BBS12: variants seen among roughly 807,000 people sequenced by gnomAD.
BBS12 encodes the protein chaperonin-containing T-complex member BBS12.
Under a neutral mutation model 5.6 loss-of-function variants are expected in BBS12, and 5 were observed. That is an observed-to-expected ratio of 0.89 (90% CI 0.46 to 1.86). BBS12 has a LOEUF of 1.86. Among genes scored for constraint, BBS12 ranks in the 40% most tolerant of loss-of-function variants. BBS12 has a pLI of 0.01. For missense variants in BBS12, 748 were observed against 830.4 expected, an observed-to-expected ratio of 0.90 and a Z score of 1.22; for synonymous variants, 308 against 306.8, an observed-to-expected ratio of 1.00 and a Z score of -0.04.
chr4:122,718,588 T>A, the BBS12 span, among the ~76,000 whole-genome samples: 2 of 152,032 alleles, frequency 1.3e-5, no homozygotes, highest in African/African-American at 4.8e-5. Context: ...TCCAAATTCA[T>A]AAAATAGGGG....
chr4:122,706,015 C>T, the BBS12 span, among the ~76,000 whole-genome samples: 1 of 152,170 alleles, frequency 6.6e-6, no homozygotes, highest in Non-Finnish European at 1.5e-5. Flanking sequence ...TTGCCCTTTT[C>T]AGAGGAAGAG....
chr4:122,706,479 C>T, the BBS12 span, among the ~76,000 whole-genome samples: 3 of 152,090 alleles, frequency 2.0e-5, no homozygotes, highest in African/African-American at 7.2e-5. Flanking sequence ...ATTTAGAATT[C>T]CTAAGACTCT....
At chr4:122,703,367 A>C in the BBS12 span, among the ~76,000 whole-genome samples, 1 of 152,098 alleles carries the variant, frequency 6.6e-6, no homozygotes, top group Non-Finnish European at 1.5e-5. Flanking sequence ...TATCGCCAGC[A>C]CTTCATGGCC....
At chr4:122,708,506 C>A in the BBS12 span, among the ~76,000 whole-genome samples, 36,722 of 151,908 alleles carry the variant, frequency 0.24, 4,688 homozygotes, top group South Asian at 0.39. Context: ...TAGCACTGCT[C>A]AACTTTCACC....
intron 1 of BBS12, 140 bp from the exon 2 acceptor site, chr4:122,741,743 C>A: frequency 1.5e-6 from 1 of 671,564 alleles, no homozygotes; most frequent in Non-Finnish European, 2.6e-6. Context: ...AATAATAATA[C>A]TGTATCATTG....
the BBS12 span, among the ~76,000 whole-genome samples, chr4:122,716,717 G>GTGTA: frequency 9.3e-5 from 11 of 118,434 alleles, no homozygotes; most frequent in African/African-American, 4.4e-4. Flanking sequence ...ATACACATAT[G>GTGTA]TGTGTATATA....
intron 1 of BBS12, among the ~76,000 whole-genome samples, chr4:122,739,391 A>G (rs1159771211): frequency 2.0e-5 from 3 of 152,210 alleles, no homozygotes; most frequent in African/African-American, 4.8e-5. Flanking sequence ...CCTCCTTTTC[A>G]TGCCTGTGGC....
At chr4:122,723,620 AT>A in the BBS12 span, among the ~76,000 whole-genome samples, 1 of 152,150 alleles carries the variant, frequency 6.6e-6, no homozygotes, top group Middle Eastern at 3.2e-3. Context: ...CAAACCATAA[AT>A]TTTCCCCACT....
chr4:122,738,597 G>C (rs897167806), intron 1 of BBS12, among the ~76,000 whole-genome samples: 6 of 152,124 alleles, frequency 3.9e-5, no homozygotes, highest in Non-Finnish European at 5.9e-5. Flanking sequence ...GAGAGAAAAT[G>C]TTTGCAAATC....
chr4:122,734,837 T>C (rs779925244), intron 1 of BBS12, among the ~76,000 whole-genome samples: 5 of 152,212 alleles, frequency 3.3e-5, no homozygotes, highest in Non-Finnish European at 7.3e-5. Context: ...ATGTAATTAG[T>C]TTTGAAAACT....
At chr4:122,735,590 A>G (rs1384957025) in intron 1 of BBS12, among the ~76,000 whole-genome samples, 1 of 152,212 alleles carries the variant, frequency 6.6e-6, no homozygotes, top group African/African-American at 2.4e-5. Flanking sequence ...ACTTATATTC[A>G]TGTTGGAGAA....
the BBS12 span, among the ~76,000 whole-genome samples, chr4:122,721,555 G>A: frequency 1.2e-4 from 19 of 152,294 alleles, no homozygotes; most frequent in East Asian, 3.7e-3. Context: ...GGTTTAGTGG[G>A]AGCAGATTGT....
upstream of BBS12, among the ~76,000 whole-genome samples, chr4:122,728,094 A>C (rs1800647630): frequency 6.6e-6 from 1 of 152,210 alleles, no homozygotes; most frequent in African/African-American, 2.4e-5. Flanking sequence ...TCTTTTTAGA[A>C]GGCAATATCT....
At chr4:122,733,475 T>A (rs1443986749) in intron 1 of BBS12, among the ~76,000 whole-genome samples, 2 of 150,434 alleles carry the variant, frequency 1.3e-5, no homozygotes, top group Non-Finnish European at 2.9e-5. Context: ...TTGTCAACGA[T>A]ATCAACTTGA....
chr4:122,737,134 C>T (rs897503845), intron 1 of BBS12, among the ~76,000 whole-genome samples: 1 of 152,118 alleles, frequency 6.6e-6, no homozygotes, highest in African/African-American at 2.4e-5. Flanking sequence ...GACTTTTCTA[C>T]TCGTAGTAAT....
At chr4:122,730,838 A>C (rs1306657410), upstream of BBS12, 1 of 152,174 alleles carries the variant, frequency 6.6e-6, no homozygotes, top group African/African-American at 2.4e-5. Context: ...CATCATGTTA[A>C]ATTTTCCCCT....
the BBS12 span, among the ~76,000 whole-genome samples, chr4:122,703,680 T>C: frequency 2.5e-4 from 38 of 152,286 alleles, no homozygotes; most frequent in Non-Finnish European, 4.7e-4. Context: ...TTAACCTGAC[T>C]TAATAGGAAA....
chr4:122,710,440 C>T, the BBS12 span, among the ~76,000 whole-genome samples: 1 of 152,314 alleles, frequency 6.6e-6, no homozygotes, highest in East Asian at 1.9e-4. Flanking sequence ...CATAGCACAA[C>T]TGGGGCAGTA....
the BBS12 span, among the ~76,000 whole-genome samples, chr4:122,703,346 A>C: frequency 1.3e-5 from 2 of 152,112 alleles, no homozygotes; most frequent in South Asian, 2.1e-4. Flanking sequence ...TTAGGTAGGG[A>C]GCCAGAGGTA....
Sources: allele counts gnomAD v4.1 joint callset (sites outside exome capture counted in the v4.1 genomes callset), GRCh38; gene constraint gnomAD v4.1.1; transcripts MANE v1.5; gene names NCBI Gene and HGNC (gene_info 2026-07-23, HGNC 2026-07-21).